DPP10: variants seen among roughly 807,000 people sequenced by gnomAD.
The protein encoded by DPP10 is dipeptidyl peptidase like 10.
Under a neutral mutation model 120.9 loss-of-function variants are expected in DPP10, and 33 were observed. That is an observed-to-expected ratio of 0.27 (90% CI 0.21 to 0.37). DPP10 has a LOEUF of 0.37. Ranked by LOEUF, DPP10 falls within the 10% of genes least tolerant of loss-of-function variation. The probability of loss-of-function intolerance (pLI) is 1.00; values close to 1 mark genes in which losing one functional copy is unlikely to be tolerated. For missense variants in DPP10, 816 were observed against 942.8 expected (o/e 0.87, Z 1.76); for synonymous variants, 337 against 326.1 (o/e 1.03, Z -0.36).
At chr2:115,289,527 A>AAAAAAGG (rs1274049896) in intron 1 of DPP10, among the ~76,000 whole-genome samples, 1 of 151,436 alleles carries the variant, frequency 6.6e-6, no homozygotes, top group East Asian at 1.9e-4. Flanking sequence ...AAGAAAAAAG[A>AAAAAAGG]GCCTAAATAG....
chr2:115,164,093 T>C (rs1475018279), intron 1 of DPP10, among the ~76,000 whole-genome samples: 3 of 152,200 alleles, frequency 2.0e-5, no homozygotes, highest in Admixed American at 6.5e-5. Flanking sequence ...ATTGACATGA[T>C]TTGAAAATGT....
intron 1 of DPP10, among the ~76,000 whole-genome samples, chr2:115,055,841 C>A (rs1355919307): frequency 2.0e-5 from 3 of 152,098 alleles, no homozygotes; most frequent in Non-Finnish European, 4.4e-5. Flanking sequence ...TATTTGCTAT[C>A]ATTTAGAGTT....
chr2:114,527,868 G>A (rs953900006), intron 1 of DPP10, among the ~76,000 whole-genome samples: 3 of 152,192 alleles, frequency 2.0e-5, no homozygotes, highest in East Asian at 3.9e-4. Flanking sequence ...TGATAAGCAC[G>A]TATATAAACA....
intron 1 of DPP10, among the ~76,000 whole-genome samples, chr2:115,044,799 T>A (rs1433873988): frequency 6.6e-6 from 1 of 152,202 alleles, no homozygotes; most frequent in Non-Finnish European, 1.5e-5. Context: ...CTGATAACTA[T>A]CATTCTATTC....
At chr2:115,762,761 T>G in intron 12 of DPP10, 151 bp downstream of exon 12, 1 of 901,714 alleles carries the variant, frequency 1.1e-6, no homozygotes, top group Non-Finnish European at 1.7e-6. Flanking sequence ...CACTTATGAC[T>G]TGGGCTTTCT....
intron 1 of DPP10, among the ~76,000 whole-genome samples, chr2:115,162,883 T>C (rs1335484745): frequency 1.3e-5 from 2 of 151,598 alleles, no homozygotes; most frequent in Non-Finnish European, 2.9e-5. Flanking sequence ...TTTTCCAAAG[T>C]TGGAGGGTCG....
intron 3 of DPP10, among the ~76,000 whole-genome samples, chr2:115,432,423 A>G (rs959111213): frequency 6.6e-6 from 1 of 151,970 alleles, no homozygotes; most frequent in Non-Finnish European, 1.5e-5. Flanking sequence ...TTGTTTTGCT[A>G]CTGTCTAGCT....
chr2:114,599,028 C>A (rs1027687800), intron 1 of DPP10, among the ~76,000 whole-genome samples: 59 of 151,678 alleles, frequency 3.9e-4, no homozygotes, highest in African/African-American at 1.4e-3. Context: ...AAGAGTTCTG[C>A]GTTTGCTTGA....
chr2:115,362,130 G>A (rs957627974), intron 3 of DPP10, among the ~76,000 whole-genome samples: 9 of 152,116 alleles, frequency 5.9e-5, no homozygotes, highest in Admixed American at 2.6e-4. Context: ...GAGCCATTGA[G>A]AACTTTGGAT....
intron 1 of DPP10, among the ~76,000 whole-genome samples, chr2:114,910,520 A>G (rs1157738211): frequency 2.6e-5 from 4 of 152,166 alleles, no homozygotes; most frequent in African/African-American, 9.6e-5. Context: ...AGATTTTAAA[A>G]CACGTTTTCT....
intron 3 of DPP10, among the ~76,000 whole-genome samples, chr2:115,348,795 G>T (rs1309776977): frequency 3.3e-5 from 5 of 152,078 alleles, no homozygotes; most frequent in Admixed American, 2.0e-4. Context: ...TGCAGCTAGT[G>T]TGTCCTTTAC....
chr2:114,576,235 G>T (rs936340823), intron 1 of DPP10, among the ~76,000 whole-genome samples: 1 of 152,198 alleles, frequency 6.6e-6, no homozygotes, highest in Non-Finnish European at 1.5e-5. Context: ...TGTGGGAAGA[G>T]TTAGAGGATA....
At chr2:115,340,987 AT>A (rs1452814416) in intron 2 of DPP10, among the ~76,000 whole-genome samples, 4 of 152,080 alleles carry the variant, frequency 2.6e-5, no homozygotes, top group African/African-American at 4.8e-5. Context: ...TGATAGGGAA[AT>A]TTAAAAATTT....
At chr2:115,723,653 A>C (rs2092701706) in intron 7 of DPP10, among the ~76,000 whole-genome samples, 1 of 145,396 alleles carries the variant, frequency 6.9e-6, no homozygotes, top group Non-Finnish European at 1.5e-5. Context: ...GCTAGGTCCC[A>C]GGTTTAGGAT....
chr2:115,597,435 G>C (rs1234938031), intron 5 of DPP10, among the ~76,000 whole-genome samples: 3 of 151,844 alleles, frequency 2.0e-5, no homozygotes, highest in South Asian at 2.1e-4. Context: ...GCAAACGTAA[G>C]TACCATGTAC....
rs553064132 is a variant in DPP10, at chr2:115,556,275, G to A, written c.441+30303G>A. 1.1e-4 allele frequency among the ~76,000 whole-genome samples: 16 copies of A among 151,526 alleles called. No individual in the cohort carries two copies. The South Asian group carries it at 3.1e-3, about 30-fold the overall frequency. ...CAAACTTGGTCAATCCATGGCCTCTGGGCTGTATGTGGCCCAGGATGACTT... is the reference window on the plus strand; with the variant it reads ...CAAACTTGGTCAATCCATGGCCTCTAGGCTGTATGTGGCCCAGGATGACTT... On this transcript the variant is annotated intron_variant, in intron 5 of 25. Transcript: ENST00000410059.
At chr2:114,598,615 T>A (rs948971162) in intron 1 of DPP10, among the ~76,000 whole-genome samples, 36 of 151,836 alleles carry the variant, frequency 2.4e-4, no homozygotes, top group Non-Finnish European at 5.9e-5. Flanking sequence ...CAGTGGCAAG[T>A]AGAGAGAATA....
At chr2:114,873,933 T>G (rs1690923471) in intron 1 of DPP10, among the ~76,000 whole-genome samples, 1 of 152,154 alleles carries the variant, frequency 6.6e-6, no homozygotes, top group Non-Finnish European at 1.5e-5. Flanking sequence ...CTTGCTTACT[T>G]ATGTGACATA....
chr2:115,760,817 C>T (rs1271756196), intron 11 of DPP10, among the ~76,000 whole-genome samples: 1 of 152,166 alleles, frequency 6.6e-6, no homozygotes, highest in Non-Finnish European at 1.5e-5. Context: ...GGCCTACAGG[C>T]CGGCTGTGGT....
Sources: allele counts gnomAD v4.1 joint callset (sites outside exome capture counted in the v4.1 genomes callset), GRCh38; gene constraint gnomAD v4.1.1; transcripts MANE v1.5; gene names NCBI Gene and HGNC (gene_info 2026-07-23, HGNC 2026-07-21).